Variants in MAP4K5 observed in about 807,000 individuals in gnomAD.
MAP4K5 encodes mitogen-activated protein kinase kinase kinase kinase 5.
In MAP4K5, 82 loss-of-function variants were observed where a neutral mutation model predicts 135.6. That is an observed-to-expected ratio of 0.60 (90% CI 0.51 to 0.73). MAP4K5 has a LOEUF of 0.73. MAP4K5 is among the 30% of genes least tolerant of loss of function. The pLI is 0.00. For synonymous variants in MAP4K5, 347 were observed against 335.0 expected, an observed-to-expected ratio of 1.04 and a Z score of -0.39; for missense variants, 907 against 1,010.9, an observed-to-expected ratio of 0.90 and a Z score of 1.39.
intron 15 of MAP4K5, 51 bp downstream of exon 15, chr14:50,448,723 A>C (rs925982926): frequency 2.2e-5 from 25 of 1,122,040 alleles, no homozygotes; most frequent in Non-Finnish European, 3.2e-5. Context: ...ACAAAAAAAA[A>C]GTTTTCTCAA....
chr14:50,483,051 A>C (rs1379573552), intron 5 of MAP4K5: 6 of 152,218 alleles, frequency 3.9e-5, no homozygotes, highest in Admixed American at 3.3e-4. Flanking sequence ...AATCCTGAAC[A>C]ATTTTTCAAA....
chr14:50,495,570 A>G (rs920519616), intron 3 of MAP4K5, among the ~76,000 whole-genome samples: 1 of 152,342 alleles, frequency 6.6e-6, no homozygotes, highest in African/African-American at 2.4e-5. Context: ...GTTTATATCC[A>G]AAAGAACTGA....
intron 2 of MAP4K5, among the ~76,000 whole-genome samples, chr14:50,516,744 C>T (rs1050061836): frequency 1.2e-4 from 19 of 152,198 alleles, no homozygotes; most frequent in Middle Eastern, 3.4e-3. Context: ...GGCTTTTCTG[C>T]GATAAGCAAA....
intron 3 of MAP4K5, among the ~76,000 whole-genome samples, chr14:50,494,151 A>G (rs2037544639): frequency 6.6e-6 from 1 of 151,464 alleles, no homozygotes; most frequent in Non-Finnish European, 1.5e-5. Flanking sequence ...GAAAAATTTA[A>G]TATTATTATT....
chr14:50,487,222 C>T (rs1030754265), intron 3 of MAP4K5, among the ~76,000 whole-genome samples: 2 of 152,174 alleles, frequency 1.3e-5, no homozygotes, highest in Non-Finnish European at 2.9e-5. Context: ...GCAGGAGAAT[C>T]GCTTGAACCT....
In MAP4K5 at chr14:50,468,642, T is replaced by C. The variant is rs781701623; in HGVS notation, c.674+9A>G. The C allele has an allele frequency of 6.2e-7, 1 of 1,612,622 alleles. No individual in the cohort carries two copies. The highest frequency in any genetic ancestry group is 1.1e-5 in the South Asian group (1 of 90,866). On this transcript the variant is annotated intron_variant, in intron 10 of 32. Coordinates refer to ENST00000682126, the MANE Select transcript of MAP4K5 (RefSeq NM_006575.6). The stretch of plus-strand genomic sequence containing the variant: ...TCAATAACTGGATAATTATAAATAA[T>C]GAGAACACCTCATTGGGTGGAGATC...
intron 13 of MAP4K5, among the ~76,000 whole-genome samples, chr14:50,460,569 A>G (rs996368331): frequency 5.3e-5 from 8 of 152,194 alleles, no homozygotes; most frequent in Admixed American, 2.6e-4. Flanking sequence ...CAATTAAAAT[A>G]TTTACTAATC....
intron 6 of MAP4K5, among the ~76,000 whole-genome samples, chr14:50,478,617 G>A (rs531448498): frequency 1.3e-5 from 2 of 152,116 alleles, no homozygotes; most frequent in South Asian, 4.2e-4. Flanking sequence ...TTTAGTACTT[G>A]CAGAATATAT....
At chr14:50,482,207 A>C (rs1206331967) in intron 6 of MAP4K5, among the ~76,000 whole-genome samples, 154 bp downstream of exon 6, 1 of 152,262 alleles carries the variant, frequency 6.6e-6, no homozygotes, top group Non-Finnish European at 1.5e-5. Context: ...CAGAATTATA[A>C]GAGATTAACA....
intron 2 of MAP4K5, among the ~76,000 whole-genome samples, chr14:50,542,217 T>C (rs1254116264): frequency 7.4e-6 from 1 of 134,514 alleles, no homozygotes; most frequent in Non-Finnish European, 1.5e-5. Flanking sequence ...CACTCATAAG[T>C]GAGAGTTGAA....
chr14:50,491,101 T>A (rs1227561219), intron 3 of MAP4K5, among the ~76,000 whole-genome samples: 2 of 151,990 alleles, frequency 1.3e-5, no homozygotes, highest in Non-Finnish European at 2.9e-5. Context: ...AAATAGTACC[T>A]GGGAAGGGAT....
chr14:50,477,979 G>A (rs112524702), intron 6 of MAP4K5, among the ~76,000 whole-genome samples: 5 of 152,004 alleles, frequency 3.3e-5, no homozygotes, highest in African/African-American at 7.2e-5. Context: ...AAAATGATTC[G>A]GGAGTTATTT....
rs552976716 is a variant in MAP4K5, at chr14:50,419,248, C to T, written c.*771G>A. 6.6e-6 allele frequency: 1 copy of T among 152,256 alleles called. No homozygotes were observed. Among genetic ancestry groups the T allele is most frequent in the South Asian group, 2.1e-4 (1 of 4,822 alleles). 9.4% of individuals were successfully genotyped at this position (152,256 alleles called of 1,614,324 possible). A position where few individuals can be genotyped will look rare whatever the true frequency, so the allele number is the denominator to read the frequency against. ...CATGGTAGACACAGCTAGACATACA[C>T]ACCCCTTCTAAGAATATTTCAACTA... On this transcript the variant is annotated 3_prime_UTR_variant, in exon 33 of 33. Coordinates refer to ENST00000682126, the MANE Select transcript of MAP4K5 (RefSeq NM_006575.6).
chr14:50,512,803 T>C (rs2037957353), intron 2 of MAP4K5, among the ~76,000 whole-genome samples: 1 of 152,164 alleles, frequency 6.6e-6, no homozygotes, highest in African/African-American at 2.4e-5. Context: ...AGTTTTGGAG[T>C]ACCAGTTTTT....
intron 2 of MAP4K5, among the ~76,000 whole-genome samples, chr14:50,517,163 T>C (rs1473844891): frequency 1.3e-5 from 2 of 151,728 alleles, no homozygotes; most frequent in South Asian, 4.2e-4. Context: ...TTTTTTTTTT[T>C]TTTTTTAAGA....
At chr14:50,437,841 T>A in intron 25 of MAP4K5, 53 bp downstream of exon 25, 1 of 1,164,014 alleles carries the variant, frequency 8.6e-7, no homozygotes, top group Non-Finnish European at 1.3e-6. Flanking sequence ...GGGCTATTTT[T>A]AAAATAAACA....
intron 10 of MAP4K5, 87 bp downstream of exon 10, chr14:50,468,564 A>T: frequency 7.4e-7 from 1 of 1,360,056 alleles, no homozygotes; most frequent in Non-Finnish European, 1.0e-6. Context: ...TTTCATTCTT[A>T]AAAATGAGCT....
At chr14:50,497,592 T>C (rs2037620802) in intron 3 of MAP4K5, among the ~76,000 whole-genome samples, 1 of 152,202 alleles carries the variant, frequency 6.6e-6, no homozygotes, top group Non-Finnish European at 1.5e-5. Context: ...GGCAAACTAA[T>C]GGCTGGTTTA....
chr14:50,538,957 C>T (rs1595563856), intron 2 of MAP4K5, among the ~76,000 whole-genome samples: 1 of 152,180 alleles, frequency 6.6e-6, no homozygotes, highest in Non-Finnish European at 1.5e-5. Context: ...GTAGCTGGGA[C>T]TATGGGTGCG....
Sources: gnomAD v4.1 joint callset for allele counts (sites outside exome capture counted in the v4.1 genomes callset) on GRCh38, gnomAD v4.1.1 for gene constraint, MANE v1.5 for transcripts, NCBI Gene and HGNC (gene_info 2026-07-23, HGNC 2026-07-21) for gene names.